ABCA12: variants seen among roughly 807,000 people sequenced by gnomAD.
ABCA12 encodes glucosylceramide transporter ABCA12.
Under a neutral mutation model 293.5 loss-of-function variants are expected in ABCA12, and 156 were observed. The observed-to-expected ratio is 0.53, with a 90% CI of 0.47 to 0.61. The LOEUF is 0.61. Among genes scored for constraint, ABCA12 ranks in the 20% least tolerant of loss-of-function variants. ABCA12 has a pLI of 0.00. For missense variants in ABCA12, 2,797 were observed against 3,090.2 expected, an observed-to-expected ratio of 0.91 and a Z score of 2.25; for synonymous variants, 1,063 against 1,108.0, an observed-to-expected ratio of 0.96 and a Z score of 0.81.
chr2:215,090,251 C>A (rs1263789574), intron 2 of ABCA12, among the ~76,000 whole-genome samples: 3 of 152,152 alleles, frequency 2.0e-5, no homozygotes, highest in Non-Finnish European at 4.4e-5. Flanking sequence ...AATTAAAAAG[C>A]TTTATTGCTC....
intron 2 of ABCA12, among the ~76,000 whole-genome samples, chr2:215,090,114 C>T (rs558298926): frequency 6.6e-6 from 1 of 152,288 alleles, no homozygotes; most frequent in Admixed American, 6.5e-5. Flanking sequence ...ACCCCTGCCC[C>T]TGCCTGCAAG....
chr2:214,999,801 C>T lies in ABCA12; in HGVS notation c.3179+904G>A, dbSNP rs925367992. ...TGGACTCCTTACCTGCTTCCTCATG[C>T]TACTGTTGCACTGGGTTACATTACC... On this transcript the variant is annotated intron_variant, in intron 22 of 52. Transcript: ENST00000272895. 1.4e-5 allele frequency: 14 copies of T among 984,676 alleles called. No individual in the cohort carries two copies. In the African/African-American group the frequency reaches 2.4e-4, roughly 17 times the overall value. 61.0% of individuals were successfully genotyped at this position (984,676 alleles called of 1,614,324 possible).
intron 18 of ABCA12, among the ~76,000 whole-genome samples, chr2:215,008,719 A>G (rs1422236803): frequency 6.6e-6 from 1 of 152,116 alleles, no homozygotes; most frequent in African/African-American, 2.4e-5. Flanking sequence ...GCTAACATAC[A>G]TTAGTTTATA....
chr2:214,964,298 T>A (rs1699198223), intron 39 of ABCA12, among the ~76,000 whole-genome samples: 1 of 152,162 alleles, frequency 6.6e-6, no homozygotes, highest in Non-Finnish European at 1.5e-5. Context: ...GCTGGAAGCA[T>A]TCCCCCTGAA....
intron 9 of ABCA12, among the ~76,000 whole-genome samples, chr2:215,027,981 T>C (rs6720587): frequency 1 from 151,819 of 152,318 alleles, 75,664 homozygotes; most frequent in Non-Finnish European, 1. Context: ...AATGAGTATG[T>C]GCGTATTATG....
At position 215,134,634 on chromosome 2, in the gene ABCA12, G is replaced by GAGAT. The variant is rs1553551040; in HGVS notation, c.69+3505_69+3506insATCT. ...ATATATATAGAGAGAGAGAGAGAGAGAGAGAGACAAACAGAGAGAGAGAGA... is the reference window on the plus strand; with the variant it reads ...ATATATATAGAGAGAGAGAGAGAGAGAGATAGAGAGACAAACAGAGAGAGAGAGA... On this transcript the variant is annotated intron_variant, in intron 1 of 52. Transcript: ENST00000272895. 4.7e-4 allele frequency among the ~76,000 whole-genome samples: 59 copies of GAGAT among 125,002 alleles called. 5 individuals carry two copies. The highest frequency in any genetic ancestry group is 2.1e-3 in the African/African-American group (57 of 26,520). 82.0% of individuals were successfully genotyped at this position (125,002 alleles called of 152,430 possible).
chr2:214,958,817 G>A (rs767360219), intron 40 of ABCA12, among the ~76,000 whole-genome samples: 4 of 152,128 alleles, frequency 2.6e-5, no homozygotes, highest in Non-Finnish European at 2.9e-5. Context: ...AGCAGCAAAC[G>A]CTGTGAGTCT....
chr2:215,066,506 C>T (rs1396505347), intron 2 of ABCA12, among the ~76,000 whole-genome samples: 2 of 152,076 alleles, frequency 1.3e-5, no homozygotes. Context: ...AATTACCTTT[C>T]CTGGCATTCA....
Position 214,989,387 on chromosome 2 carries a change from G to T in ABCA12, c.3771C>A (p.Ile1257=). 5 of 1,613,408 alleles carry T rather than the reference G, an allele frequency of 3.1e-6. No individual in the cohort carries two copies. Among genetic ancestry groups the T allele is most frequent in the Non-Finnish European group, 3.4e-6 (4 of 1,179,872 alleles). Residue 1257 remains isoleucine (I), a synonymous_variant, in exon 26 of 53, where the codon ATC becomes ATA. Coordinates refer to ENST00000272895, the MANE Select transcript of ABCA12 (RefSeq NM_173076.3). The part of the protein sequence containing the change: ...TTSFGWLCCL[I]LADSFIYFLI... ...GGAAATAAATGAAAGAGTCAGCTAG[G>T]ATTAGACAGCACAGCCAGCCAAATG...
At chr2:214,940,184 A>G (rs924217323) in intron 50 of ABCA12, among the ~76,000 whole-genome samples, 1 of 152,170 alleles carries the variant, frequency 6.6e-6, no homozygotes, top group Admixed American at 6.5e-5. Context: ...GGGGTGTTGA[A>G]TTTTATTGAA....
At position 215,045,884 on chromosome 2, in the gene ABCA12, A is replaced by G. The variant is rs144658899; in HGVS notation, c.825T>C (p.Asn275=). The change falls in exon 7 of 53, where the codon AAT becomes AAC. Residue 275 remains asparagine (N), a synonymous_variant. Transcript: ENST00000272895. The part of the protein sequence containing the change: ...LLSSFPNVFQ[N]DTSLSNLFDV... ...CAAATAGATTGCTTAGTGATGTGTC[A>G]TTCTGAAACACATTTGGAAAACTAG... The G allele has an allele frequency of 8.7e-6, 14 of 1,613,664 alleles. No homozygotes were observed. Among genetic ancestry groups the G allele is most frequent in the Non-Finnish European group, 1.1e-5 (13 of 1,179,778 alleles).
In ABCA12 at chr2:215,000,860, G is replaced by A; in HGVS notation, c.3024C>T (p.His1008=). The A allele has an allele frequency of 6.2e-7, 1 of 1,614,140 alleles. No homozygotes were observed. The stretch of plus-strand genomic sequence containing the variant: ...AGATCTGGTTGTGTGATGGAGAATT[G>A]TGTGGCCCTGGAGCCCAAATCTTGG... ...LRTKIWAPGP[H]NSPSHNQIYG... is the part of the protein sequence containing the mutation. The change falls in exon 22 of 53, where the codon CAC becomes CAT. Residue 1008 remains histidine, a synonymous_variant. Transcript: ENST00000272895.
intron 6 of ABCA12, among the ~76,000 whole-genome samples, chr2:215,048,540 C>CA (rs61442339): frequency 0.11 from 16,509 of 143,824 alleles, 1,783 homozygotes; most frequent in African/African-American, 0.29. Flanking sequence ...ACTAATAATA[C>CA]AAAAAAAAAA....
Position 214,978,431 on chromosome 2 carries a change from AT to A in ABCA12, c.5012del (p.Asn1671IlefsTer4), listed in dbSNP as rs387906285. ...TTAAGTGCTCAAGACTCATAGCACT[AT>A]TTTTTTGTGACTCTTTGGTCAAGTT... ...FLNLTKESQK[N>X]SAMSLEHLTQ... On this transcript the variant is annotated frameshift_variant, in exon 33 of 53. Transcript: ENST00000272895. LOFTEE classifies it high-confidence loss of function. 1.2e-6 allele frequency: 2 copies of A among 1,613,746 alleles called. No homozygotes were observed. Among genetic ancestry groups the A allele is most frequent in the Admixed American group, 3.3e-5 (2 of 59,980 alleles).
At position 215,010,490 on chromosome 2, in the gene ABCA12, T is replaced by A; in HGVS notation, c.2333-20A>T. The A allele has an allele frequency of 6.2e-7, 1 of 1,611,672 alleles. No homozygotes were observed. The highest frequency in any genetic ancestry group is 8.5e-7 in the Non-Finnish European group (1 of 1,178,470). On this transcript the variant is annotated intron_variant, in intron 17 of 52. Coordinates refer to ENST00000272895, the MANE Select transcript of ABCA12 (RefSeq NM_173076.3). ...ATGGTGCTGGAAGGAAAAAGTGAAA[T>A]AAAACCATTTAATAGATGTACTTCA...
chr2:215,020,227 A>G (rs894967630), intron 11 of ABCA12, among the ~76,000 whole-genome samples: 1 of 152,036 alleles, frequency 6.6e-6, no homozygotes, highest in African/African-American at 2.4e-5. Flanking sequence ...AAAAAAACAA[A>G]ATAACAAGTG....
rs373915870 is a variant in ABCA12, at chr2:214,975,153, C to T, written c.5382-289G>A. Among the ~76,000 whole-genome samples, 20 of 152,192 alleles carry T rather than the reference C, an allele frequency of 1.3e-4. No individual in the cohort carries two copies. The South Asian group carries it at 3.5e-3, about 27-fold the overall frequency. ...CTAATTTTTGTATTTGTAGTAGAGA[C>T]GGGGTTTTGCCACGTTGGCAGGATG... On this transcript the variant is annotated intron_variant, in intron 34 of 52. Transcript: ENST00000272895.
At position 215,082,121 on chromosome 2, in the gene ABCA12, T is replaced by C. The variant is rs370589360; in HGVS notation, c.164-17902A>G. 3.1e-3 allele frequency among the ~76,000 whole-genome samples: 441 copies of C among 140,392 alleles called. 1 individual carries two copies. The highest frequency in any genetic ancestry group is 0.011 in the African/African-American group (409 of 37,874). The allele number at this position is 140,392 out of a possible 152,430, so 92.1% of individuals were successfully genotyped here. On this transcript the variant is annotated intron_variant, in intron 2 of 52. Coordinates refer to ENST00000272895, the MANE Select transcript of ABCA12 (RefSeq NM_173076.3). ...GTGCAGTGGCACGATCTCGGCTCAC[T>C]GCAACCTCCACCTCCTGGGTTCACG...
At chr2:215,075,234 A>C (rs557875225) in intron 2 of ABCA12, among the ~76,000 whole-genome samples, 1 of 152,146 alleles carries the variant, frequency 6.6e-6, no homozygotes, top group Non-Finnish European at 1.5e-5. Flanking sequence ...TAAAGGGGTC[A>C]TTGCCAATTT....
Sources: gnomAD v4.1 joint callset for allele counts (sites outside exome capture counted in the v4.1 genomes callset) on GRCh38, gnomAD v4.1.1 for gene constraint, MANE v1.5 for transcripts, NCBI Gene and HGNC (gene_info 2026-07-23, HGNC 2026-07-21) for gene names.